Variants in LDLRAD3 observed in about 807,000 individuals in gnomAD.
LDLRAD3 encodes the protein low density lipoprotein receptor class A domain containing 3.
In LDLRAD3, 20 loss-of-function variants were observed where a neutral mutation model predicts 29.4. That is an observed-to-expected ratio of 0.68 (90% CI 0.48 to 0.99). The LOEUF is 0.99. Ranked by LOEUF, LDLRAD3 falls within the 50% of genes least tolerant of loss-of-function variation. The pLI is 0.00. For synonymous variants in LDLRAD3, 157 were observed against 192.7 expected, an observed-to-expected ratio of 0.81 and a Z score of 1.53; for missense variants, 420 against 454.3, an observed-to-expected ratio of 0.92 and a Z score of 0.69.
intron 4 of LDLRAD3, among the ~76,000 whole-genome samples, chr11:36,114,587 A>G (rs1853649301): frequency 1.3e-5 from 2 of 152,188 alleles, no homozygotes; most frequent in Admixed American, 6.5e-5. Context: ...ATTTGGGCCA[A>G]TTTGCATCTG....
chr11:35,971,785 TCA>T (rs1312911033), intron 1 of LDLRAD3, among the ~76,000 whole-genome samples: 1 of 152,052 alleles, frequency 6.6e-6, no homozygotes, highest in Non-Finnish European at 1.5e-5. Flanking sequence ...AGCCGGGAAC[TCA>T]CAGGAAAGAG....
At chr11:36,223,103 AG>A (rs1855451693) in intron 4 of LDLRAD3, among the ~76,000 whole-genome samples, 1 of 152,190 alleles carries the variant, frequency 6.6e-6, no homozygotes. Flanking sequence ...TCTTAAGAAA[AG>A]TGGGCCTAGT....
At chr11:36,130,811 C>T (rs1310723888) in intron 4 of LDLRAD3, among the ~76,000 whole-genome samples, 2 of 152,170 alleles carry the variant, frequency 1.3e-5, no homozygotes, top group African/African-American at 4.8e-5. Context: ...AGAGAGTTGC[C>T]CAGGTTCACT....
intron 1 of LDLRAD3, among the ~76,000 whole-genome samples, chr11:36,013,609 G>C (rs561786301): frequency 2.0e-5 from 3 of 152,206 alleles, no homozygotes; most frequent in South Asian, 4.2e-4. Flanking sequence ...CTTCCAGCTT[G>C]ATCCATGTCC....
intron 4 of LDLRAD3, among the ~76,000 whole-genome samples, chr11:36,103,610 G>A (rs999028387): frequency 6.6e-6 from 1 of 152,138 alleles, no homozygotes; most frequent in Admixed American, 6.5e-5. Context: ...GACGTTCAGT[G>A]AAAAGACTCC....
At chr11:36,154,701 T>G (rs1385201493) in intron 4 of LDLRAD3, among the ~76,000 whole-genome samples, 1 of 152,206 alleles carries the variant, frequency 6.6e-6, no homozygotes, top group Non-Finnish European at 1.5e-5. Flanking sequence ...GTAACTTAAT[T>G]AGGAATCTGT....
intron 1 of LDLRAD3, among the ~76,000 whole-genome samples, chr11:35,947,467 G>A (rs996842081): frequency 5.9e-5 from 9 of 151,346 alleles, no homozygotes; most frequent in Non-Finnish European, 8.8e-5. Context: ...CCAAGATCGC[G>A]CCGCTGCACT....
At chr11:36,061,154 CCT>C (rs1469265174) in intron 2 of LDLRAD3, among the ~76,000 whole-genome samples, 4 of 151,616 alleles carry the variant, frequency 2.6e-5, no homozygotes, top group Non-Finnish European at 5.9e-5. Context: ...TTTTTTTTCC[CCT>C]GAGACAGAGT....
chr11:36,211,239 A>G (rs746950801), intron 4 of LDLRAD3, among the ~76,000 whole-genome samples: 1 of 152,214 alleles, frequency 6.6e-6, no homozygotes, highest in Non-Finnish European at 1.5e-5. Context: ...AACTTTATCT[A>G]TGAAAGCAGA....
rs188604466 is a variant in LDLRAD3, at chr11:36,159,410, G to A, written c.454+60949G>A. On this transcript the variant is annotated intron_variant, in intron 4 of 5. Transcript: ENST00000315571. ...CCTGAGCTCGGGAGGTTGATTCTGCGGTGAGCCGTGAGCACGCCACTGGAC... is the reference window on the plus strand; with the variant it reads ...CCTGAGCTCGGGAGGTTGATTCTGCAGTGAGCCGTGAGCACGCCACTGGAC... 4.5e-3 allele frequency among the ~76,000 whole-genome samples: 675 copies of A among 151,392 alleles called. 3 individuals are homozygous for A. The highest frequency in any genetic ancestry group is 0.015 in the African/African-American group (633 of 41,248).
At chr11:36,204,793 TTTC>T (rs1291244785) in intron 4 of LDLRAD3, among the ~76,000 whole-genome samples, 1 of 151,870 alleles carries the variant, frequency 6.6e-6, no homozygotes, top group Non-Finnish European at 1.5e-5. Context: ...CGGCCTGGAG[TTTC>T]TTCTTTAATG....
At chr11:36,114,290 G>A (rs1853644957) in intron 4 of LDLRAD3, among the ~76,000 whole-genome samples, 1 of 152,178 alleles carries the variant, frequency 6.6e-6, no homozygotes, top group African/African-American at 2.4e-5. Flanking sequence ...AGTGAAATGG[G>A]TCGAGCTGCA....
chr11:35,975,379 T>A (rs888075257), intron 1 of LDLRAD3, among the ~76,000 whole-genome samples: 2 of 152,208 alleles, frequency 1.3e-5, no homozygotes, highest in African/African-American at 4.8e-5. Flanking sequence ...GTGGAGTGTT[T>A]GAGTTGCTGA....
At chr11:36,029,048 T>C (rs1852202574) in intron 1 of LDLRAD3, among the ~76,000 whole-genome samples, 1 of 152,090 alleles carries the variant, frequency 6.6e-6, no homozygotes, top group African/African-American at 2.4e-5. Context: ...ATCGAGACCA[T>C]CCTGGTCAAT....
At chr11:36,054,431 T>C (rs1017104561) in intron 2 of LDLRAD3, among the ~76,000 whole-genome samples, 20 of 152,222 alleles carry the variant, frequency 1.3e-4, no homozygotes, top group African/African-American at 4.8e-4. Flanking sequence ...CGGTATGCCA[T>C]GGCCGAGCAA....
rs1851037586 is a variant in LDLRAD3, at chr11:35,944,908, C to T, written c.46+764C>T. On this transcript the variant is annotated intron_variant, in intron 1 of 5. Transcript: ENST00000315571. This position sits in a 1 kb window ranked among gnomAD's most constrained non-coding sequence, Gnocchi z 4.9. ...GTGCATCCCGGGGCCTGGACCGCAG[C>T]AAGCCTCTTTCCCTTCCAGACAGCG... is the stretch of plus-strand genomic sequence containing the variant. Among the ~76,000 whole-genome samples the T allele has an allele frequency of 6.6e-6, 1 of 152,158 alleles. No individual in the cohort carries two copies. Among genetic ancestry groups the T allele is most frequent in the Non-Finnish European group, 1.5e-5 (1 of 68,020 alleles).
intron 1 of LDLRAD3, among the ~76,000 whole-genome samples, chr11:35,985,370 G>C (rs1431596943): frequency 6.6e-6 from 1 of 152,178 alleles, no homozygotes; most frequent in African/African-American, 2.4e-5. Context: ...AAATGGAGTA[G>C]ACTCGGGGAG....
intron 2 of LDLRAD3, among the ~76,000 whole-genome samples, chr11:36,076,543 G>A (rs1853010762): frequency 2.0e-5 from 3 of 151,984 alleles, no homozygotes; most frequent in African/African-American, 4.8e-5. Flanking sequence ...CCGCCACCAC[G>A]CCCGGCTAAT....
chr11:36,023,643 G>A (rs997613551), intron 1 of LDLRAD3, among the ~76,000 whole-genome samples: 1 of 152,176 alleles, frequency 6.6e-6, no homozygotes, highest in African/African-American at 2.4e-5. Flanking sequence ...TCTAGGACAG[G>A]CAGATGATGT....
Sources: allele counts gnomAD v4.1 joint callset (sites outside exome capture counted in the v4.1 genomes callset), GRCh38; gene constraint gnomAD v4.1.1; non-coding constraint Gnocchi (gnomAD v3.1); transcripts MANE v1.5; gene names NCBI Gene and HGNC (gene_info 2026-07-23, HGNC 2026-07-21).